The following CDKN3 variants were observed in gnomAD, a reference collection of about 807,000 sequenced individuals.
CDKN3 encodes cyclin dependent kinase inhibitor 3.
In CDKN3, 19 loss-of-function variants were observed where a neutral mutation model predicts 36.1. That is an observed-to-expected ratio of 0.53 (90% confidence interval 0.37 to 0.77). CDKN3 has a LOEUF of 0.77. Ranked by LOEUF, CDKN3 falls within the 30% of genes least tolerant of loss-of-function variation. CDKN3 has a pLI of 0.00. For missense variants in CDKN3, 188 were observed against 248.6 expected (o/e 0.76, Z 1.64); for synonymous variants, 71 against 85.3 (o/e 0.83, Z 0.92).
chr14:54,399,849 CA>C (rs768402750), intron 1 of CDKN3, 44 bp from the exon 2 acceptor site: 5 of 1,010,998 alleles, frequency 4.9e-6, no homozygotes, highest in East Asian at 2.4e-5. Flanking sequence ...CCTAAAACTA[CA>C]AAAAAATTCT....
intron 6 of CDKN3, among the ~76,000 whole-genome samples, chr14:54,416,491 C>G (rs967075090): frequency 6.6e-5 from 10 of 152,006 alleles, no homozygotes; most frequent in African/African-American, 1.9e-4. Context: ...GGATTTGTAT[C>G]CAGAATATAA....
intron 3 of CDKN3, among the ~76,000 whole-genome samples, chr14:54,404,689 G>A (rs1048189743): frequency 2.6e-5 from 4 of 151,818 alleles, no homozygotes; most frequent in East Asian, 1.9e-4. Flanking sequence ...ATTCTCCTGC[G>A]TCAGCCTCCC....
intron 3 of CDKN3, chr14:54,408,532 A>G: frequency 1.9e-6 from 1 of 528,584 alleles, no homozygotes; most frequent in South Asian, 2.5e-5. Flanking sequence ...CTTGTTACAG[A>G]AGAAACACAG....
chr14:54,408,515 C>A, intron 3 of CDKN3: 1 of 448,848 alleles, frequency 2.2e-6, no homozygotes, highest in Non-Finnish European at 3.8e-6. Flanking sequence ...AGGACTACAA[C>A]CAGGTACTTG....
chr14:54,419,277 T>G (rs1354741018), intron 7 of CDKN3, among the ~76,000 whole-genome samples: 2 of 152,262 alleles, frequency 1.3e-5, no homozygotes, highest in African/African-American at 4.8e-5. Flanking sequence ...TTTACATCTT[T>G]AACATTGCAG....
At chr14:54,417,715 G>A (rs1464617127) in intron 6 of CDKN3, 133 bp from the exon 7 acceptor site, 2 of 519,458 alleles carry the variant, frequency 3.9e-6, no homozygotes, top group Non-Finnish European at 7.0e-6. Context: ...CACACTAAAA[G>A]TCTCAGTCTT....
chr14:54,418,171 A>G (rs146242011), intron 7 of CDKN3: 4 of 704,110 alleles, frequency 5.7e-6, no homozygotes, highest in Non-Finnish European at 1.0e-5. Context: ...CAGGATTTCA[A>G]ACAAGATAAT....
intron 5 of CDKN3, chr14:54,413,811 G>T: frequency 7.0e-7 from 1 of 1,418,690 alleles, no homozygotes; most frequent in Non-Finnish European, 9.2e-7. Flanking sequence ...GAACAACACT[G>T]CTTGCCTACT....
chr14:54,413,777 T>C, intron 5 of CDKN3: 19 of 1,429,248 alleles, frequency 1.3e-5, no homozygotes, highest in Non-Finnish European at 1.6e-5. Flanking sequence ...TGCCTGGACA[T>C]TTGCAGCCCT....
chr14:54,398,215 T>C (rs1306302726), intron 1 of CDKN3, among the ~76,000 whole-genome samples: 2 of 152,234 alleles, frequency 1.3e-5, no homozygotes, highest in African/African-American at 4.8e-5. Context: ...TTGTAGAATA[T>C]AGCTTCAGAG....
At chr14:54,400,169 C>T (rs111238556) in intron 2 of CDKN3, among the ~76,000 whole-genome samples, 193 bp downstream of exon 2, 2 of 144,558 alleles carry the variant, frequency 1.4e-5, no homozygotes, top group East Asian at 2.1e-4. Flanking sequence ...ATCTATAATA[C>T]AGAATAAGAC....
intron 7 of CDKN3, among the ~76,000 whole-genome samples, chr14:54,419,483 G>A (rs1263536702): frequency 6.6e-6 from 1 of 152,138 alleles, no homozygotes; most frequent in Non-Finnish European, 1.5e-5. Context: ...TTGCTTATCT[G>A]CTGAGATTAG....
Position 54,417,927 on chromosome 14 carries a change from A to T in CDKN3, c.528A>T (p.Gly176=), listed in dbSNP as rs1294520168. ...TAGACAGCCTGCGAGACCTAAGAGG[A>T]TCCGGGGCAATACAGACCATCAAGG... The part of the protein sequence containing the change: ...QAIDSLRDLR[G]SGAIQTIKQY... The change falls in exon 7 of 8, where the codon GGA becomes GGT. Residue 176 remains glycine (G), a synonymous_variant. Coordinates refer to ENST00000335183, the MANE Select transcript of CDKN3 (RefSeq NM_005192.4). The T allele has an allele frequency of 6.3e-7, 1 of 1,590,298 alleles. No individual in the cohort carries two copies. Among genetic ancestry groups the T allele is most frequent in the Non-Finnish European group, 8.6e-7 (1 of 1,166,960 alleles).
At position 54,399,657 on chromosome 14, in the gene CDKN3, G is replaced by A. The variant is rs183464693; in HGVS notation, c.10-237G>A. 2.8e-3 allele frequency among the ~76,000 whole-genome samples: 434 copies of A among 152,322 alleles called. 3 individuals are homozygous for A. The highest frequency in any genetic ancestry group is 9.8e-3 in the African/African-American group (406 of 41,580). ...ACAGTAAGTGGCAGAACCAAGATCA[G>A]AAGCCAGATTTCTTGGTTCCCAATC... On this transcript the variant is annotated intron_variant, in intron 1 of 7. Transcript: ENST00000335183.
chr14:54,398,037 A>G (rs1886367250), intron 1 of CDKN3, among the ~76,000 whole-genome samples: 1 of 152,222 alleles, frequency 6.6e-6, no homozygotes, highest in African/African-American at 2.4e-5. Context: ...AGGCTGAGCC[A>G]CGCAAATAGC....
intron 3 of CDKN3, among the ~76,000 whole-genome samples, chr14:54,405,860 G>A (rs981912693): frequency 4.6e-5 from 7 of 152,184 alleles, no homozygotes; most frequent in Non-Finnish European, 8.8e-5. Flanking sequence ...ATTGTTATGT[G>A]TGAATTTTAT....
chr14:54,403,605 C>G (rs1364924515), intron 3 of CDKN3, among the ~76,000 whole-genome samples: 2 of 152,206 alleles, frequency 1.3e-5, no homozygotes, highest in African/African-American at 4.8e-5. Context: ...AGAGGGCATT[C>G]TTGTCTTATG....
At chr14:54,411,895 CTT>C in intron 5 of CDKN3, 189 bp downstream of exon 5, 1 of 631,362 alleles carries the variant, frequency 1.6e-6, no homozygotes, top group Non-Finnish European at 2.8e-6. Flanking sequence ...GCTGTTATTA[CTT>C]TTCAAGAGTA....
At chr14:54,400,323 C>T (rs1435783872) in intron 2 of CDKN3, among the ~76,000 whole-genome samples, 2 of 151,302 alleles carry the variant, frequency 1.3e-5, no homozygotes, top group Non-Finnish European at 2.9e-5. Context: ...GAAATAATCT[C>T]CCATTTAGTA....
Sources: gnomAD v4.1 joint callset for allele counts (sites outside exome capture counted in the v4.1 genomes callset) on GRCh38, gnomAD v4.1.1 for gene constraint, MANE v1.5 for transcripts, NCBI Gene and HGNC (gene_info 2026-07-23, HGNC 2026-07-21) for gene names.